TEKTIP1: variants seen among roughly 807,000 people sequenced by gnomAD.
TEKTIP1 encodes the protein tektin bundle-interacting protein 1.
chr19:3,541,064 G>A, the TEKTIP1 span, among the ~76,000 whole-genome samples: 1 of 150,074 alleles, frequency 6.7e-6, no homozygotes, highest in Non-Finnish European at 1.5e-5. Context: ...AGCTACTCGG[G>A]AGGCTGAGGC....
chr19:3,542,583 C>T, the TEKTIP1 span: 1 of 757,090 alleles, frequency 1.3e-6, no homozygotes, highest in Admixed American at 6.3e-5. Context: ...AAGCGATTCT[C>T]CTGCCTCAGC....
chr19:3,543,370 G>C, the TEKTIP1 span: 1 of 1,549,306 alleles, frequency 6.5e-7, no homozygotes, highest in Non-Finnish European at 8.7e-7. Context: ...CGGACGCCTG[G>C]GAAGCCTGGT....
At chr19:3,543,666 G>A in the TEKTIP1 span, 58 of 1,539,964 alleles carry the variant, frequency 3.8e-5, 1 homozygote, top group East Asian at 4.4e-4. Flanking sequence ...AGGCCAATCC[G>A]GGGCAAGGAA....
the TEKTIP1 span, chr19:3,541,751 G>C: frequency 1.0e-6 from 1 of 985,408 alleles, no homozygotes; most frequent in Non-Finnish European, 1.2e-6. Context: ...TGAGTGGCAG[G>C]TGGGTACGGG....
the TEKTIP1 span, chr19:3,543,210 G>T: frequency 6.5e-7 from 1 of 1,537,450 alleles, no homozygotes; most frequent in Non-Finnish European, 8.7e-7. Context: ...CATGGGCTCA[G>T]TCTCTGCCCC....
chr19:3,543,486 C>A, the TEKTIP1 span: 12 of 1,518,318 alleles, frequency 7.9e-6, no homozygotes, highest in South Asian at 1.2e-4. Context: ...GAGTGCCCCC[C>A]CCCCCGCCCT....
the TEKTIP1 span, chr19:3,542,784 G>A: frequency 7.3e-7 from 1 of 1,367,882 alleles, no homozygotes; most frequent in Non-Finnish European, 9.8e-7. Context: ...ACCTGGCCTA[G>A]TGGGTCCCCC....
chr19:3,543,287 G>T, the TEKTIP1 span: 2 of 1,548,292 alleles, frequency 1.3e-6, no homozygotes, highest in Non-Finnish European at 8.7e-7. Context: ...CATCAGGCAG[G>T]CCACACGCTG....
At chr19:3,543,651 A>T in the TEKTIP1 span, 1 of 1,543,154 alleles carries the variant, frequency 6.5e-7, no homozygotes, top group Non-Finnish European at 8.7e-7. Flanking sequence ...GCGCTGTGGA[A>T]AGACAGGCCA....
chr19:3,542,262 C>T, the TEKTIP1 span: 3 of 985,276 alleles, frequency 3.0e-6, no homozygotes, highest in Non-Finnish European at 3.6e-6. Context: ...ACTGACCAGG[C>T]TACTCCCATG....
chr19:3,542,047 T>C, the TEKTIP1 span: 1 of 745,850 alleles, frequency 1.3e-6, no homozygotes, highest in Non-Finnish European at 1.6e-6. Context: ...TGACCTCAGG[T>C]GATCTACCCA....
the TEKTIP1 span, chr19:3,543,739 A>T: frequency 1.3e-6 from 2 of 1,494,142 alleles, no homozygotes; most frequent in Non-Finnish European, 1.8e-6. Flanking sequence ...CACCTAGGCC[A>T]GGGTGAAACT....
At chr19:3,543,074 G>A in the TEKTIP1 span, 110 of 1,587,310 alleles carry the variant, frequency 6.9e-5, 2 homozygotes, top group South Asian at 1.2e-3. Context: ...CCACTCTGGG[G>A]TGAGGGGTAC....
chr19:3,543,249 C>G, the TEKTIP1 span: 5 of 1,545,704 alleles, frequency 3.2e-6, no homozygotes, highest in Non-Finnish European at 4.4e-6. Context: ...GACTACCTGT[C>G]CCTGGAGGGT....
the TEKTIP1 span, among the ~76,000 whole-genome samples, chr19:3,540,865 C>T: frequency 1.8e-5 from 2 of 114,268 alleles, no homozygotes; most frequent in African/African-American, 6.7e-5. Context: ...GAGCGAAACT[C>T]CATCTCAAAA....
the TEKTIP1 span, among the ~76,000 whole-genome samples, chr19:3,540,488 C>A: frequency 1.3e-5 from 2 of 151,300 alleles, no homozygotes; most frequent in East Asian, 2.0e-4. Context: ...GATCTCCTGA[C>A]CTCATGATCT....
chr19:3,543,217 C>T, the TEKTIP1 span: 2 of 1,538,486 alleles, frequency 1.3e-6, no homozygotes, highest in Admixed American at 2.0e-5. Flanking sequence ...TCAGTCTCTG[C>T]CCCCTGCCCA....
chr19:3,540,244 C>G, the TEKTIP1 span, among the ~76,000 whole-genome samples: 2 of 151,388 alleles, frequency 1.3e-5, no homozygotes, highest in African/African-American at 4.9e-5. Flanking sequence ...CAGGTTTGTG[C>G]CACATGCCCA....
the TEKTIP1 span, among the ~76,000 whole-genome samples, chr19:3,540,478 G>C: frequency 6.6e-6 from 1 of 151,390 alleles, no homozygotes; most frequent in East Asian, 2.0e-4. Context: ...GGATGGTCTC[G>C]ATCTCCTGAC....
Sources: gnomAD v4.1 joint callset for allele counts (sites outside exome capture counted in the v4.1 genomes callset) on GRCh38, gnomAD v4.1.1 for gene constraint, MANE v1.5 for transcripts, NCBI Gene and HGNC (gene_info 2026-07-23, HGNC 2026-07-21) for gene names.